Variants in KCNN2 observed in about 807,000 individuals in gnomAD.
KCNN2 encodes potassium calcium-activated channel subfamily N member 2, also known as small conductance calcium-activated potassium channel protein 2.
Under a neutral mutation model 55.5 loss-of-function variants are expected in KCNN2, and 24 were observed. That is an observed-to-expected ratio of 0.43 (90% CI 0.31 to 0.61). The LOEUF (loss-of-function observed/expected upper bound fraction) is 0.61. Among genes scored for constraint, KCNN2 ranks in the 20% least tolerant of loss-of-function variants. The pLI is 0.08. For synonymous variants in KCNN2, 431 were observed against 336.1 expected, an observed-to-expected ratio of 1.28 and a Z score of -3.09; for missense variants, 754 against 853.6, an observed-to-expected ratio of 0.88 and a Z score of 1.45.
chr5:114,152,986 G>A (rs562160958), intron 1 of KCNN2, among the ~76,000 whole-genome samples: 1 of 152,276 alleles, frequency 6.6e-6, no homozygotes, highest in South Asian at 2.1e-4. Context: ...GGTGATAATA[G>A]TGATGAAGAG....
Position 114,144,042 on chromosome 5 carries a change from A to G in KCNN2, c.-270-77438A>G, listed in dbSNP as rs1752345991. ...AGATAACCCGTCAGATATACTGTCT[A>G]AAACTTCAGCACCAGGTAAAGCAGT... On this transcript the variant is annotated intron_variant, in intron 1 of 10. Coordinates refer to the KCNN2 transcript ENST00000512097. Among the ~76,000 whole-genome samples, 4 of 152,334 alleles carry G rather than the reference A, an allele frequency of 2.6e-5. No individual in the cohort carries two copies. The South Asian group carries it at 8.3e-4, about 32-fold the overall frequency.
chr5:114,362,582 C>A lies in KCNN2; in HGVS notation c.443C>A (p.Ala148Glu). The change falls in exon 1 of 8, where the codon GCG becomes GAG. Residue 148 changes from alanine to glutamate, a missense_variant. Physicochemically the swap from Ala to Glu is moderately radical, Grantham distance 107. Transcript: ENST00000673685. ...CGGCAGCAGTACGCGCAGCAGTCCG[C>A]GCAGCAGTCGGCGTCCGCCTCCCAG... ...ALRQQYAQQS[A>E]QQSASASQYH... The A allele has an allele frequency of 1.4e-6, 1 of 712,174 alleles. No individual in the cohort carries two copies. The highest frequency in any genetic ancestry group is 2.2e-6 in the Non-Finnish European group (1 of 454,402). 44.1% of individuals were successfully genotyped at this position (712,174 alleles called of 1,614,324 possible). A position where few individuals can be genotyped will look rare whatever the true frequency, so the allele number is the denominator to read the frequency against.
chr5:114,164,972 A>T (rs982222618), intron 1 of KCNN2, among the ~76,000 whole-genome samples: 1 of 152,188 alleles, frequency 6.6e-6, no homozygotes, highest in Non-Finnish European at 1.5e-5. Context: ...GGAAGGCACT[A>T]TTGTTTTACA....
At chr5:114,481,840 A>G (rs963897753) in intron 5 of KCNN2, among the ~76,000 whole-genome samples, 31 of 152,226 alleles carry the variant, frequency 2.0e-4, no homozygotes, top group Non-Finnish European at 1.2e-4. Context: ...ATATGCAGAA[A>G]ATTGAAACTG....
intron 1 of KCNN2, among the ~76,000 whole-genome samples, chr5:114,082,088 C>T (rs375050982): frequency 4.6e-5 from 7 of 151,910 alleles, no homozygotes; most frequent in African/African-American, 1.7e-4. Flanking sequence ...AGGCGGGATA[C>T]CTATAATCCC....
At chr5:114,229,225 T>G (rs989052055) in intron 2 of KCNN2, among the ~76,000 whole-genome samples, 7 of 151,832 alleles carry the variant, frequency 4.6e-5, no homozygotes, top group African/African-American at 1.7e-4. Context: ...TTTTAATTTC[T>G]GGAAAATGTG....
chr5:114,315,463 GTGTA>G (rs757922079), intron 2 of KCNN2, among the ~76,000 whole-genome samples: 3,580 of 47,780 alleles, frequency 0.075, 45 homozygotes, highest in Non-Finnish European at 0.11. Flanking sequence ...GTGTGTGTGT[GTGTA>G]TATATATATA....
At chr5:114,387,926 C>T (rs1758335189) in intron 2 of KCNN2, among the ~76,000 whole-genome samples, 1 of 152,180 alleles carries the variant, frequency 6.6e-6, no homozygotes, top group Non-Finnish European at 1.5e-5. Context: ...AAATAGGCTT[C>T]ATTTTCTTCC....
intron 1 of KCNN2, among the ~76,000 whole-genome samples, chr5:114,059,294 T>C (rs1750276219): frequency 6.6e-6 from 1 of 152,148 alleles, no homozygotes; most frequent in African/African-American, 2.4e-5. Context: ...TTCAAAGAAA[T>C]CATATTTTGG....
intron 2 of KCNN2, among the ~76,000 whole-genome samples, chr5:114,352,931 C>T (rs934502493): frequency 2.0e-5 from 3 of 151,780 alleles, no homozygotes; most frequent in African/African-American, 7.2e-5. Flanking sequence ...TTAACATTTT[C>T]TGTATTCTTG....
chr5:114,276,266 G>A (rs1206162860), intron 2 of KCNN2, among the ~76,000 whole-genome samples: 2 of 152,080 alleles, frequency 1.3e-5, no homozygotes, highest in African/African-American at 4.8e-5. Flanking sequence ...GTCAATTTTA[G>A]AATAAGTGCG....
At chr5:114,237,185 A>G (rs1754515454) in intron 2 of KCNN2, among the ~76,000 whole-genome samples, 1 of 151,396 alleles carries the variant, frequency 6.6e-6, no homozygotes, top group African/African-American at 2.4e-5. Context: ...TACGACAAGC[A>G]ATTGTTGCAA....
chr5:114,312,269 A>T (rs566440487), intron 2 of KCNN2, among the ~76,000 whole-genome samples: 5 of 151,246 alleles, frequency 3.3e-5, no homozygotes, highest in Non-Finnish European at 7.4e-5. Context: ...CTGTCCAGGC[A>T]TTTTCAATTT....
At chr5:114,474,042 C>A (rs1005579995) in intron 5 of KCNN2, among the ~76,000 whole-genome samples, 2 of 152,258 alleles carry the variant, frequency 1.3e-5, no homozygotes, top group Non-Finnish European at 2.9e-5. Flanking sequence ...ATGTGGAATG[C>A]AATCAGGCTG....
upstream of KCNN2, chr5:114,361,851 C>T (rs1243321631): frequency 6.5e-6 from 1 of 153,014 alleles, no homozygotes; most frequent in East Asian, 1.9e-4. Context: ...AGCGCCCTGG[C>T]TCTGGACTGC....
intron 1 of KCNN2, among the ~76,000 whole-genome samples, chr5:114,111,235 T>C (rs546536144): frequency 2.0e-5 from 3 of 152,278 alleles, no homozygotes; most frequent in Non-Finnish European, 2.9e-5. Context: ...GGGGAAAGGA[T>C]TCCCTCTTTA....
At chr5:114,371,863 G>T (rs1757767665) in intron 2 of KCNN2, among the ~76,000 whole-genome samples, 1 of 151,980 alleles carries the variant, frequency 6.6e-6, no homozygotes. Flanking sequence ...CTTCCAGTGG[G>T]GCTGTTACCT....
chr5:114,275,859 G>A lies in KCNN2; in HGVS notation c.-185+54294G>A, dbSNP rs138478233. Among the ~76,000 whole-genome samples the A allele has an allele frequency of 2.6e-5, 4 of 151,904 alleles. No homozygotes were observed. In the East Asian group the frequency reaches 7.8e-4, roughly 29 times the overall value. ...TCTGCTCTGATCTCATTCTTTTCCT[G>A]TCTTCTGCTAGCTTTTGAATTTGTT... On this transcript the variant is annotated intron_variant, in intron 2 of 10. Coordinates refer to the KCNN2 transcript ENST00000512097.
At chr5:114,243,603 G>A (rs1220674378) in intron 2 of KCNN2, among the ~76,000 whole-genome samples, 1 of 152,132 alleles carries the variant, frequency 6.6e-6, no homozygotes, top group African/African-American at 2.4e-5. Context: ...GCCCCAAAAT[G>A]CAAGAGTAGT....
Sources: allele counts gnomAD v4.1 joint callset (sites outside exome capture counted in the v4.1 genomes callset), GRCh38; gene constraint gnomAD v4.1.1; transcripts MANE v1.5; gene names NCBI Gene and HGNC (gene_info 2026-07-23, HGNC 2026-07-21).